Variants in SHANK2 observed in about 807,000 individuals in gnomAD.
SHANK2 encodes SH3 and multiple ankyrin repeat domains protein 2.
Under a neutral mutation model 133.7 loss-of-function variants are expected in SHANK2, and 43 were observed. The observed-to-expected ratio is 0.32, with a 90% CI of 0.25 to 0.41. SHANK2 has a LOEUF of 0.41. Among genes scored for constraint, SHANK2 ranks in the 10% least tolerant of loss-of-function variants. SHANK2 has a pLI of 1.00. For missense variants in SHANK2, 1,994 were observed against 2,235.8 expected (o/e 0.89, Z 2.18); for synonymous variants, 1,017 against 952.8 (o/e 1.07, Z -1.24).
At chr11:70,810,312 A>G (rs1442842958) in intron 12 of SHANK2, among the ~76,000 whole-genome samples, 1 of 152,212 alleles carries the variant, frequency 6.6e-6, no homozygotes, top group Admixed American at 6.5e-5. Context: ...CAGCACTCAG[A>G]CACATTCAAC....
rs551677406 is a variant in SHANK2 at position 70,846,300 on chromosome 11, G to A, written c.1175-25618C>T. Among the ~76,000 whole-genome samples the A allele has an allele frequency of 3.7e-4, 56 of 152,172 alleles. 1 individual carries two copies. In the South Asian group the frequency reaches 6.4e-3, roughly 18 times the overall value. ...ATTATTAGAAACACGGTCTCGCTCG[G>A]TCGCTCAGGCTGATATGCAGTGGTG... is the stretch of plus-strand genomic sequence containing the variant. On this transcript the variant is annotated intron_variant, in intron 11 of 25. Coordinates refer to ENST00000601538, the MANE Select transcript of SHANK2 (RefSeq NM_012309.5).
At chr11:71,183,442 A>T (rs562884838) in intron 2 of SHANK2, among the ~76,000 whole-genome samples, 1 of 151,950 alleles carries the variant, frequency 6.6e-6, no homozygotes, top group South Asian at 2.1e-4. Context: ...AGACTCTGGC[A>T]TGCTTTAGAA....
intron 9 of SHANK2, among the ~76,000 whole-genome samples, chr11:71,067,997 A>G (rs2135958098): frequency 6.6e-6 from 1 of 151,934 alleles, no homozygotes; most frequent in East Asian, 1.9e-4. Context: ...CACCATCACC[A>G]TCATCACCAT....
At chr11:71,166,096 C>T (rs1174930698) in intron 2 of SHANK2, among the ~76,000 whole-genome samples, 6 of 152,190 alleles carry the variant, frequency 3.9e-5, no homozygotes, top group Non-Finnish European at 8.8e-5. Context: ...GAAGGAGGCT[C>T]CTGGCAAAAA....
intron 3 of SHANK2, among the ~76,000 whole-genome samples, chr11:71,144,443 G>A (rs1275648266): frequency 1.3e-5 from 2 of 152,164 alleles, no homozygotes; most frequent in Non-Finnish European, 2.9e-5. Context: ...CAGAGCTCCA[G>A]GGAATGGTCC....
chr11:71,074,696 G>T (rs1445607235), intron 9 of SHANK2, among the ~76,000 whole-genome samples: 2 of 152,078 alleles, frequency 1.3e-5, no homozygotes, highest in African/African-American at 4.8e-5. Context: ...AGGGGCAGGG[G>T]CTGACAAGCA....
At position 70,798,394 on chromosome 11, in the gene SHANK2, A is replaced by G. The variant is rs191510757; in HGVS notation, c.1777+49T>C. 4 of 714,818 alleles carry G rather than the reference A, an allele frequency of 5.6e-6. No individual in the cohort carries two copies. In the East Asian group the frequency reaches 1.1e-4, roughly 19 times the overall value. The allele number at this position is 714,818 out of a possible 1,614,324, so 44.3% of individuals were successfully genotyped here. ...ACGGACAACACCGACCACGGGCCTG[A>G]GATAGGCCTGCAGGATCGAGGGTGG... is the stretch of plus-strand genomic sequence containing the variant. On this transcript the variant is annotated intron_variant, in intron 14 of 25. Coordinates refer to ENST00000601538, the MANE Select transcript of SHANK2 (RefSeq NM_012309.5).
chr11:70,952,032 A>G (rs1950852145), intron 10 of SHANK2, among the ~76,000 whole-genome samples: 1 of 152,252 alleles, frequency 6.6e-6, no homozygotes, highest in African/African-American at 2.4e-5. Flanking sequence ...TTCTAGATAG[A>G]CATGAATTTA....
chr11:70,799,463 C>A (rs1489286566), intron 13 of SHANK2, among the ~76,000 whole-genome samples: 1 of 152,180 alleles, frequency 6.6e-6, no homozygotes, highest in Non-Finnish European at 1.5e-5. Context: ...CACGAATCAT[C>A]TGACAATGGT....
At chr11:70,719,243 T>C (rs960598201) in intron 14 of SHANK2, among the ~76,000 whole-genome samples, 4 of 152,170 alleles carry the variant, frequency 2.6e-5, no homozygotes, top group Non-Finnish European at 5.9e-5. Context: ...ATAGACACTT[T>C]GTAACAGTTC....
intron 14 of SHANK2, among the ~76,000 whole-genome samples, chr11:70,749,092 G>A (rs1418341428): frequency 1.3e-5 from 2 of 152,218 alleles, no homozygotes; most frequent in African/African-American, 4.8e-5. Context: ...GCTTTGTCCT[G>A]AGGACCTGCT....
At chr11:70,650,235 A>C (rs2061324148) in intron 17 of SHANK2, among the ~76,000 whole-genome samples, 1 of 152,190 alleles carries the variant, frequency 6.6e-6, no homozygotes, top group African/African-American at 2.4e-5. Flanking sequence ...ATGCTCAACC[A>C]TGTTGGCTCC....
intron 17 of SHANK2, among the ~76,000 whole-genome samples, chr11:70,507,900 G>C (rs782541617): frequency 2.4e-4 from 37 of 152,382 alleles, no homozygotes; most frequent in Non-Finnish European, 4.4e-4. Context: ...CTGGGGCTGG[G>C]AGGAACCCGC....
chr11:70,765,705 G>A (rs997974742), intron 14 of SHANK2, among the ~76,000 whole-genome samples: 12 of 152,282 alleles, frequency 7.9e-5, no homozygotes, highest in East Asian at 3.9e-4. Context: ...AATCCCCTGC[G>A]AGAGACCCAG....
intron 2 of SHANK2, among the ~76,000 whole-genome samples, chr11:71,160,660 T>C (rs1415025845): frequency 6.6e-6 from 1 of 152,248 alleles, no homozygotes; most frequent in Non-Finnish European, 1.5e-5. Flanking sequence ...TCATCCTATC[T>C]ATTCTGTTAT....
At chr11:70,489,062 G>A (rs2058850552) in intron 24 of SHANK2, 3 of 467,546 alleles carry the variant, frequency 6.4e-6, no homozygotes, top group Non-Finnish European at 7.7e-6. Flanking sequence ...TACTTGAAAT[G>A]AAAAAAAGTC....
chr11:70,917,400 C>T (rs1032469910), intron 10 of SHANK2, among the ~76,000 whole-genome samples: 24 of 152,096 alleles, frequency 1.6e-4, no homozygotes, highest in Non-Finnish European at 2.8e-4. Context: ...TCTTTTACAC[C>T]GTTGGTGGGA....
chr11:70,510,943 G>A (rs1370557335), intron 17 of SHANK2, among the ~76,000 whole-genome samples: 1 of 152,216 alleles, frequency 6.6e-6, no homozygotes, highest in Non-Finnish European at 1.5e-5. Flanking sequence ...CCAACCTCCC[G>A]TCGACCATGC....
chr11:70,684,611 T>A (rs1411586323), intron 15 of SHANK2, among the ~76,000 whole-genome samples: 1 of 151,988 alleles, frequency 6.6e-6, no homozygotes, highest in Non-Finnish European at 1.5e-5. Flanking sequence ...CCTAGGAGAA[T>A]CCGGTTTGGT....
Sources: gnomAD v4.1 joint callset for allele counts (sites outside exome capture counted in the v4.1 genomes callset) on GRCh38, gnomAD v4.1.1 for gene constraint, MANE v1.5 for transcripts, NCBI Gene and HGNC (gene_info 2026-07-23, HGNC 2026-07-21) for gene names.